The following SMYD3 variants were observed in gnomAD, a reference collection of about 807,000 sequenced individuals.
The protein encoded by SMYD3 is SET and MYND domain containing 3.
Under a neutral mutation model 57.7 loss-of-function variants are expected in SMYD3, and 36 were observed. The ratio of observed to expected loss-of-function variants is 0.62; its 90% CI spans 0.48 to 0.82. SMYD3 has a LOEUF of 0.82. SMYD3 is among the 40% of genes least tolerant of loss of function. SMYD3 has a pLI of 0.00. For missense variants in SMYD3, 515 were observed against 538.8 expected (o/e 0.96, Z 0.44); for synonymous variants, 211 against 195.0 (o/e 1.08, Z -0.68).
intron 5 of SMYD3, among the ~76,000 whole-genome samples, chr1:245,966,476 G>T (rs1167143852): frequency 6.6e-6 from 1 of 152,078 alleles, no homozygotes; most frequent in East Asian, 1.9e-4. Flanking sequence ...ACCCAATTTT[G>T]CTATTTTCTA....
At chr1:246,409,742 A>G (rs1253649121) in intron 1 of SMYD3, among the ~76,000 whole-genome samples, 1 of 152,192 alleles carries the variant, frequency 6.6e-6, no homozygotes, top group East Asian at 1.9e-4. Context: ...TGGGGATGGC[A>G]TTGAATCTGT....
At chr1:246,325,593 C>T (rs1572382767) in intron 5 of SMYD3, among the ~76,000 whole-genome samples, 1 of 152,008 alleles carries the variant, frequency 6.6e-6, no homozygotes, top group Admixed American at 6.6e-5. Flanking sequence ...TCCCCCTATA[C>T]AACATGGAGA....
intron 1 of SMYD3, among the ~76,000 whole-genome samples, chr1:246,489,273 G>A (rs1176371613): frequency 4.6e-5 from 7 of 152,078 alleles, no homozygotes; most frequent in Non-Finnish European, 1.0e-4. Flanking sequence ...GTGAACCCGG[G>A]AGGCGGAGGC....
At chr1:246,025,764 A>C (rs917925563) in intron 5 of SMYD3, 5 of 152,258 alleles carry the variant, frequency 3.3e-5, no homozygotes, top group African/African-American at 1.2e-4. Flanking sequence ...GTATAGATTC[A>C]GTGATGTTAC....
intron 5 of SMYD3, among the ~76,000 whole-genome samples, chr1:246,070,523 C>T (rs983838223): frequency 3.3e-5 from 5 of 152,184 alleles, no homozygotes; most frequent in Admixed American, 3.3e-4. Context: ...CAGGGTACTA[C>T]AACACCATAA....
intron 2 of SMYD3, among the ~76,000 whole-genome samples, chr1:246,341,096 T>C (rs569839021): frequency 2.0e-5 from 3 of 152,262 alleles, no homozygotes; most frequent in Non-Finnish European, 4.4e-5. Flanking sequence ...TTTCTCTTTA[T>C]AGCTTTCCAT....
chr1:246,304,479 C>G (rs928903254), intron 5 of SMYD3, among the ~76,000 whole-genome samples: 1 of 151,896 alleles, frequency 6.6e-6, no homozygotes, highest in Non-Finnish European at 1.5e-5. Context: ...AAATGACCAG[C>G]AACTGAAAAT....
intron 1 of SMYD3, among the ~76,000 whole-genome samples, chr1:246,505,186 T>C (rs539398369): frequency 2.0e-4 from 31 of 152,326 alleles, no homozygotes; most frequent in African/African-American, 7.5e-4. Context: ...TATCCCTTTT[T>C]CTATGTTTAT....
intron 1 of SMYD3, among the ~76,000 whole-genome samples, chr1:246,481,211 G>A (rs1342607727): frequency 6.6e-6 from 1 of 152,072 alleles, no homozygotes; most frequent in East Asian, 1.9e-4. Flanking sequence ...TCCTTCTGCA[G>A]ATCTGTAATG....
At chr1:245,776,809 T>C (rs932709937) in intron 10 of SMYD3, among the ~76,000 whole-genome samples, 4 of 152,230 alleles carry the variant, frequency 2.6e-5, no homozygotes, top group Non-Finnish European at 5.9e-5. Context: ...AGTGAGGCGA[T>C]AGCAGAGGCT....
intron 5 of SMYD3, among the ~76,000 whole-genome samples, chr1:245,986,759 C>T (rs1040447993): frequency 2.0e-5 from 3 of 152,146 alleles, no homozygotes; most frequent in Non-Finnish European, 2.9e-5. Flanking sequence ...AACGGGTCAT[C>T]GTCAAAGAGA....
chr1:245,905,683 C>T (rs1353878089), intron 8 of SMYD3, among the ~76,000 whole-genome samples: 2 of 152,192 alleles, frequency 1.3e-5, no homozygotes, highest in Admixed American at 6.5e-5. Context: ...GGCTTTGCCA[C>T]CTGCTGATTG....
chr1:246,311,245 G>A (rs1307046684), intron 5 of SMYD3, among the ~76,000 whole-genome samples: 1 of 152,124 alleles, frequency 6.6e-6, no homozygotes, highest in Admixed American at 6.5e-5. Context: ...TCCACAAAAT[G>A]CTAAATACTT....
intron 5 of SMYD3, among the ~76,000 whole-genome samples, chr1:245,957,096 C>A (rs1319526178): frequency 6.6e-6 from 1 of 152,124 alleles, no homozygotes; most frequent in African/African-American, 2.4e-5. Context: ...ATCTGCAGCA[C>A]CAGCCAACTA....
chr1:245,834,181 T>G (rs773292805), intron 10 of SMYD3, among the ~76,000 whole-genome samples: 3 of 152,084 alleles, frequency 2.0e-5, no homozygotes, highest in Non-Finnish European at 2.9e-5. Context: ...GCAAGCTTCC[T>G]CATAAAGGAA....
intron 1 of SMYD3, among the ~76,000 whole-genome samples, chr1:246,409,363 G>A (rs1456570430): frequency 6.6e-6 from 1 of 152,170 alleles, no homozygotes; most frequent in Non-Finnish European, 1.5e-5. Context: ...TAAGGTGTAA[G>A]GAAGGGATCC....
At chr1:246,493,502 C>T (rs1444930351) in intron 1 of SMYD3, among the ~76,000 whole-genome samples, 1 of 152,206 alleles carries the variant, frequency 6.6e-6, no homozygotes, top group East Asian at 1.9e-4. Flanking sequence ...CAAAAAGGGG[C>T]ACTATTAACC....
At chr1:245,980,133 G>C (rs115167532) in intron 5 of SMYD3, among the ~76,000 whole-genome samples, 3 of 152,206 alleles carry the variant, frequency 2.0e-5, no homozygotes, top group Admixed American at 1.3e-4. Flanking sequence ...GAATTACAAC[G>C]AGGGGGAGAA....
At chr1:246,312,670 T>C (rs1340580254) in intron 5 of SMYD3, among the ~76,000 whole-genome samples, 25 of 152,172 alleles carry the variant, frequency 1.6e-4, no homozygotes, top group Non-Finnish European at 2.9e-5. Flanking sequence ...ATGAAGATTT[T>C]TGTTGGTATA....
Sources: gnomAD v4.1 joint callset for allele counts (sites outside exome capture counted in the v4.1 genomes callset) on GRCh38, gnomAD v4.1.1 for gene constraint, MANE v1.5 for transcripts, NCBI Gene and HGNC (gene_info 2026-07-23, HGNC 2026-07-21) for gene names.